Variants in KLHL32 observed in about 807,000 individuals in gnomAD.
The protein encoded by KLHL32 is kelch-like protein 32.
KLHL32 carries 35 observed loss-of-function variants against 64.8 expected under a neutral mutation model. The observed-to-expected ratio is 0.54, with a 90% CI of 0.41 to 0.72. KLHL32 has a LOEUF of 0.72. Among genes scored for constraint, KLHL32 ranks in the 30% least tolerant of loss-of-function variants. The probability of loss-of-function intolerance (pLI) is 0.00; values close to 1 mark genes in which losing one functional copy is unlikely to be tolerated. For missense variants in KLHL32, 589 were observed against 768.5 expected (o/e 0.77, Z 2.76); for synonymous variants, 259 against 281.0 (o/e 0.92, Z 0.78).
intron 2 of KLHL32, among the ~76,000 whole-genome samples, chr6:96,972,843 C>T (rs1045068203): frequency 4.6e-5 from 7 of 152,120 alleles, no homozygotes; most frequent in South Asian, 2.1e-4. Context: ...TTACAGTCTT[C>T]GATTTATCTC....
intron 5 of KLHL32, among the ~76,000 whole-genome samples, chr6:97,079,541 A>G (rs1436341536): frequency 2.0e-5 from 3 of 152,216 alleles, no homozygotes; most frequent in Non-Finnish European, 4.4e-5. Flanking sequence ...GAAGGAACCA[A>G]TTAGGGAAAG....
chr6:97,008,587 C>G (rs1265253989), intron 3 of KLHL32, among the ~76,000 whole-genome samples: 1 of 152,122 alleles, frequency 6.6e-6, no homozygotes, highest in Non-Finnish European at 1.5e-5. Context: ...CCTGGCAGCT[C>G]TCCCTGCCAG....
At chr6:96,923,239 C>T (rs1222839361), upstream of KLHL32, among the ~76,000 whole-genome samples, 1 of 152,188 alleles carries the variant, frequency 6.6e-6, no homozygotes, top group Non-Finnish European at 1.5e-5. Context: ...AGTATTCTCA[C>T]TTTAGTGACA....
Position 97,119,745 on chromosome 6 carries a change from C to T in KLHL32, c.1354+5236C>T, listed in dbSNP as rs544660544. ...AACTTTCCAATTAACAGTCTGGCTT[C>T]CTGTATACATTTAGGGAGAGAATGT... is the stretch of plus-strand genomic sequence containing the variant. On this transcript the variant is annotated intron_variant, in intron 7 of 10. Coordinates refer to ENST00000369261, the MANE Select transcript of KLHL32 (RefSeq NM_052904.4). 3.3e-5 allele frequency among the ~76,000 whole-genome samples: 5 copies of T among 152,146 alleles called. No individual in the cohort carries two copies. In the East Asian group the frequency reaches 7.7e-4, roughly 23 times the overall value.
At chr6:97,024,964 A>C in intron 3 of KLHL32, 3 of 982,886 alleles carry the variant, frequency 3.1e-6, no homozygotes, top group Non-Finnish European at 3.6e-6. Context: ...ATTTAAAGTA[A>C]AATTTGCATT....
intron 1 of KLHL32, among the ~76,000 whole-genome samples, chr6:96,946,816 T>C (rs1771973915): frequency 6.6e-6 from 1 of 152,150 alleles, no homozygotes; most frequent in African/African-American, 2.4e-5. Flanking sequence ...GATTGTTTTA[T>C]ACTCTGGTTA....
intron 3 of KLHL32, among the ~76,000 whole-genome samples, chr6:97,038,659 G>C (rs1477502710): frequency 6.6e-6 from 1 of 151,872 alleles, no homozygotes; most frequent in Non-Finnish European, 1.5e-5. Context: ...TTACTACTGA[G>C]TATATATTCA....
At chr6:97,016,519 C>T (rs777106590) in intron 3 of KLHL32, among the ~76,000 whole-genome samples, 3 of 152,232 alleles carry the variant, frequency 2.0e-5, no homozygotes, top group Non-Finnish European at 2.9e-5. Flanking sequence ...AATGCTTGTA[C>T]ACCCATTTTA....
intron 5 of KLHL32, among the ~76,000 whole-genome samples, chr6:97,080,530 G>T (rs956054533): frequency 7.2e-5 from 11 of 152,222 alleles, no homozygotes; most frequent in Admixed American, 1.3e-4. Flanking sequence ...GCAGTTAAAG[G>T]GTGCTTGCAG....
the KLHL32 span, among the ~76,000 whole-genome samples, chr6:96,903,064 A>C: frequency 6.6e-6 from 1 of 152,070 alleles, no homozygotes; most frequent in Admixed American, 6.6e-5. Context: ...TAAATCAAAA[A>C]ATTTCTTTAA....
At chr6:97,070,377 A>G (rs964232623) in intron 5 of KLHL32, among the ~76,000 whole-genome samples, 6 of 152,208 alleles carry the variant, frequency 3.9e-5, no homozygotes, top group Admixed American at 2.6e-4. Flanking sequence ...CCAGAATATC[A>G]TATTTGCCAA....
upstream of KLHL32, among the ~76,000 whole-genome samples, chr6:96,921,912 T>G (rs1768766110): frequency 6.6e-6 from 1 of 152,170 alleles, no homozygotes; most frequent in Admixed American, 6.5e-5. Flanking sequence ...TCCAAGATGC[T>G]TATCAAAGTA....
chr6:97,030,948 A>C (rs1376447002), intron 3 of KLHL32, among the ~76,000 whole-genome samples: 2 of 152,208 alleles, frequency 1.3e-5, no homozygotes, highest in African/African-American at 2.4e-5. Flanking sequence ...ATGCACTCCT[A>C]GAATCTGGGA....
the KLHL32 span, among the ~76,000 whole-genome samples, chr6:96,902,976 G>GT: frequency 1.3e-5 from 2 of 152,002 alleles, no homozygotes; most frequent in Admixed American, 6.5e-5. Context: ...GTACCATGCT[G>GT]TTTTGGTTAC....
At chr6:97,089,353 C>A (rs1793879502) in intron 6 of KLHL32, among the ~76,000 whole-genome samples, 1 of 152,208 alleles carries the variant, frequency 6.6e-6, no homozygotes, top group Admixed American at 6.5e-5. Context: ...AAATGCTTTA[C>A]AAAAATATTC....
intron 1 of KLHL32, among the ~76,000 whole-genome samples, chr6:96,964,478 C>T (rs1351482763): frequency 1.3e-5 from 2 of 152,130 alleles, no homozygotes; most frequent in Non-Finnish European, 2.9e-5. Context: ...ACGGTGAAAC[C>T]CCGTCTCTAC....
chr6:96,930,993 C>T (rs763742865), intron 1 of KLHL32, among the ~76,000 whole-genome samples: 2 of 152,112 alleles, frequency 1.3e-5, no homozygotes, highest in Non-Finnish European at 2.9e-5. Context: ...GTACAGACCT[C>T]CTAGCCTTTC....
intron 3 of KLHL32, among the ~76,000 whole-genome samples, chr6:97,017,531 A>T (rs572230086): frequency 2.0e-5 from 3 of 152,234 alleles, no homozygotes; most frequent in African/African-American, 7.2e-5. Flanking sequence ...GGAAAAAAGG[A>T]TGGAAGACAG....
intron 7 of KLHL32, among the ~76,000 whole-genome samples, chr6:97,115,712 A>G (rs922336661): frequency 6.6e-6 from 1 of 152,210 alleles, no homozygotes; most frequent in Non-Finnish European, 1.5e-5. Context: ...AGGTTTTTCT[A>G]TCAGGAAGAA....
Sources: gnomAD v4.1 joint callset for allele counts (sites outside exome capture counted in the v4.1 genomes callset) on GRCh38, gnomAD v4.1.1 for gene constraint, MANE v1.5 for transcripts, NCBI Gene and HGNC (gene_info 2026-07-23, HGNC 2026-07-21) for gene names.